Variants in ZBTB7C observed in about 807,000 individuals in gnomAD.
The protein encoded by ZBTB7C is zinc finger and BTB domain containing 7C.
A neutral mutation model predicts 25.7 loss-of-function variants in ZBTB7C; 8 were observed. The ratio of observed to expected loss-of-function variants is 0.31; its 90% confidence interval spans 0.18 to 0.56. The LOEUF is 0.56. Among genes scored for constraint, ZBTB7C ranks in the 20% least tolerant of loss-of-function variants. The pLI is 0.91. For synonymous variants in ZBTB7C, 394 were observed against 369.0 expected (o/e 1.07, Z -0.78); for missense variants, 824 against 855.2 (o/e 0.96, Z 0.46).
chr18:48,391,330 T>C (rs1056367157), intron 1 of ZBTB7C, among the ~76,000 whole-genome samples: 1 of 152,210 alleles, frequency 6.6e-6, no homozygotes, highest in Non-Finnish European at 1.5e-5. Context: ...AATGTTACTC[T>C]GATCTTACTC....
At chr18:48,060,595 G>GC (rs1009667427) in intron 3 of ZBTB7C, among the ~76,000 whole-genome samples, 7 of 152,036 alleles carry the variant, frequency 4.6e-5, no homozygotes, top group African/African-American at 1.7e-4. Flanking sequence ...CAGCTAAAAT[G>GC]CCGTCCCCTC....
chr18:48,056,798 A>T (rs1263313036), intron 3 of ZBTB7C, among the ~76,000 whole-genome samples: 1 of 152,138 alleles, frequency 6.6e-6, no homozygotes, highest in Non-Finnish European at 1.5e-5. Context: ...AATATTGAAG[A>T]ACTACTTTAT....
At chr18:48,143,878 T>C (rs1305192397) in intron 3 of ZBTB7C, among the ~76,000 whole-genome samples, 1 of 152,164 alleles carries the variant, frequency 6.6e-6, no homozygotes, top group Non-Finnish European at 1.5e-5. Flanking sequence ...AATCCGTACT[T>C]GTCTTTGTAT....
chr18:48,181,088 T>C (rs1343771778), intron 3 of ZBTB7C, among the ~76,000 whole-genome samples: 3 of 152,158 alleles, frequency 2.0e-5, no homozygotes, highest in Non-Finnish European at 4.4e-5. Context: ...TGTAAAATGG[T>C]TGAAATAGTG....
chr18:48,245,103 T>TATATATATATATATATATAC (rs756081367), intron 2 of ZBTB7C, among the ~76,000 whole-genome samples: 1 of 144,580 alleles, frequency 6.9e-6, no homozygotes, highest in Admixed American at 6.9e-5. Flanking sequence ...TATATATATA[T>TATATATATATATATATATAC]ACACACACAC....
chr18:48,232,905 C>A (rs1160701344), intron 2 of ZBTB7C, among the ~76,000 whole-genome samples: 1 of 152,134 alleles, frequency 6.6e-6, no homozygotes, highest in Non-Finnish European at 1.5e-5. Flanking sequence ...CAACACCAAC[C>A]CCCTGGTTGA....
chr18:48,374,406 C>T (rs1461111204), intron 1 of ZBTB7C: 2 of 152,238 alleles, frequency 1.3e-5, no homozygotes, highest in African/African-American at 4.8e-5. Context: ...CCACTGGGCT[C>T]TAGAAAAAGC....
chr18:48,241,170 G>T (rs556416222), intron 2 of ZBTB7C, among the ~76,000 whole-genome samples: 2 of 152,032 alleles, frequency 1.3e-5, no homozygotes, highest in Non-Finnish European at 2.9e-5. Flanking sequence ...AAATATATAT[G>T]CACCTAACAC....
At chr18:48,303,227 A>G (rs1343613497) in intron 2 of ZBTB7C, among the ~76,000 whole-genome samples, 1 of 152,210 alleles carries the variant, frequency 6.6e-6, no homozygotes, top group Non-Finnish European at 1.5e-5. Flanking sequence ...GAGCCAGAAG[A>G]AGGTAAGCCA....
At chr18:48,351,967 T>C (rs925211705) in intron 1 of ZBTB7C, among the ~76,000 whole-genome samples, 1 of 152,124 alleles carries the variant, frequency 6.6e-6, no homozygotes, top group African/African-American at 2.4e-5. Context: ...GAACTAGAGA[T>C]ACCCCACCCT....
At chr18:48,075,568 T>C (rs1411230829) in intron 3 of ZBTB7C, among the ~76,000 whole-genome samples, 4 of 152,176 alleles carry the variant, frequency 2.6e-5, no homozygotes, top group African/African-American at 7.2e-5. Flanking sequence ...TTTGGGTTGA[T>C]TGATTCCTCC....
chr18:48,119,311 G>C (rs2039547637), intron 3 of ZBTB7C, among the ~76,000 whole-genome samples: 1 of 152,224 alleles, frequency 6.6e-6, no homozygotes, highest in South Asian at 2.1e-4. Context: ...CTGATAAATT[G>C]TTTCCACCAG....
intron 1 of ZBTB7C, among the ~76,000 whole-genome samples, chr18:48,397,566 T>G (rs2048058880): frequency 6.6e-6 from 1 of 152,196 alleles, no homozygotes; most frequent in Non-Finnish European, 1.5e-5. Context: ...AAATTGAAAG[T>G]TGCTGTGAGA....
At chr18:48,217,507 C>T (rs1319486717) in intron 2 of ZBTB7C, among the ~76,000 whole-genome samples, 3 of 152,106 alleles carry the variant, frequency 2.0e-5, no homozygotes, top group Non-Finnish European at 1.5e-5. Context: ...TTCTCCTCTC[C>T]TTCCTCTGCT....
intron 1 of ZBTB7C, among the ~76,000 whole-genome samples, chr18:48,391,249 G>A (rs1032661832): frequency 6.6e-5 from 10 of 152,226 alleles, no homozygotes; most frequent in African/African-American, 2.4e-4. Flanking sequence ...GCAGGCTGAA[G>A]TGCTGAGCTT....
At chr18:48,113,419 T>C (rs2039316630) in intron 3 of ZBTB7C, among the ~76,000 whole-genome samples, 1 of 152,166 alleles carries the variant, frequency 6.6e-6, no homozygotes, top group South Asian at 2.1e-4. Context: ...AAAGGATAAT[T>C]GGAGTTAAAT....
At chr18:48,368,456 C>T (rs1439566429) in intron 1 of ZBTB7C, among the ~76,000 whole-genome samples, 1 of 152,024 alleles carries the variant, frequency 6.6e-6, no homozygotes, top group South Asian at 2.1e-4. Flanking sequence ...ACCTGTGGTA[C>T]TATAACAGAA....
intron 3 of ZBTB7C, among the ~76,000 whole-genome samples, chr18:48,126,255 A>G (rs1007853456): frequency 1.3e-5 from 2 of 152,216 alleles, no homozygotes; most frequent in African/African-American, 4.8e-5. Flanking sequence ...GATTTAGTCT[A>G]AGAGCAGACC....
At chr18:48,385,609 C>T (rs565819857) in intron 1 of ZBTB7C, among the ~76,000 whole-genome samples, 9 of 152,326 alleles carry the variant, frequency 5.9e-5, no homozygotes, top group South Asian at 2.1e-4. Flanking sequence ...CAGGCCCGCC[C>T]GGAACGCATG....
Sources: gnomAD v4.1 joint callset for allele counts (sites outside exome capture counted in the v4.1 genomes callset) on GRCh38, gnomAD v4.1.1 for gene constraint, MANE v1.5 for transcripts, NCBI Gene and HGNC (gene_info 2026-07-23, HGNC 2026-07-21) for gene names.